MYT1L: variants seen among roughly 807,000 people sequenced by gnomAD.
MYT1L encodes the protein myelin transcription factor 1 like, also known as myelin transcription factor 1-like protein.
MYT1L carries 12 observed loss-of-function variants against 126.7 expected under a neutral mutation model. The observed-to-expected ratio is 0.09, with a 90% CI of 0.06 to 0.15. MYT1L has a LOEUF of 0.15. Ranked by LOEUF, MYT1L falls within the 10% of genes least tolerant of loss-of-function variation. MYT1L has a pLI of 1.00. For synonymous variants in MYT1L, 541 were observed against 604.2 expected, an observed-to-expected ratio of 0.90 and a Z score of 1.53; for missense variants, 979 against 1,585.2, an observed-to-expected ratio of 0.62 and a Z score of 6.49.
chr2:2,301,638 G>A (rs1013891906), intron 1 of MYT1L, among the ~76,000 whole-genome samples: 1 of 151,892 alleles, frequency 6.6e-6, no homozygotes, highest in African/African-American at 2.4e-5. Context: ...AGACCAGCCT[G>A]GGCATTATAG....
At chr2:2,158,729 CTT>C (rs1217297826) in intron 3 of MYT1L, among the ~76,000 whole-genome samples, 1 of 149,716 alleles carries the variant, frequency 6.7e-6, no homozygotes, top group Non-Finnish European at 1.5e-5. Context: ...CACACACACA[CTT>C]GAAATTGGAT....
Position 1,801,493 on chromosome 2 carries a change from G to A in MYT1L, c.3276+203C>T, listed in dbSNP as rs980834010. ...ACAAACACACATGCAGACTGAAAAC[G>A]AGAGAACCACGGCCCCTGCTACAGC... On this transcript the variant is annotated intron_variant, in intron 23 of 24. Coordinates refer to ENST00000647738, the MANE Select transcript of MYT1L (RefSeq NM_001303052.2). This position sits in a 1 kb window ranked among gnomAD's most constrained non-coding sequence, Gnocchi z 4.2. 6.3e-5 allele frequency: 31 copies of A among 491,250 alleles called. No individual in the cohort carries two copies. The highest frequency in any genetic ancestry group is 1.0e-4 in the Non-Finnish European group (29 of 279,828). The allele number at this position is 491,250 out of a possible 1,614,324, so 30.4% of individuals were successfully genotyped here. A position where few individuals can be genotyped will look rare whatever the true frequency, so the allele number is the denominator to read the frequency against.
intron 4 of MYT1L, among the ~76,000 whole-genome samples, chr2:2,019,349 A>G (rs2064789000): frequency 6.6e-6 from 1 of 152,174 alleles, no homozygotes; most frequent in Admixed American, 6.6e-5. Context: ...GCCTTCTGCC[A>G]TGATTGCGAG....
chr2:1,808,270 GCCAAC>G (rs1652014431), intron 22 of MYT1L, among the ~76,000 whole-genome samples: 1 of 152,158 alleles, frequency 6.6e-6, no homozygotes. Context: ...GAAACTCCCA[GCCAAC>G]AGTCACAACC....
intron 2 of MYT1L, among the ~76,000 whole-genome samples, chr2:2,255,189 G>A (rs1042254285): frequency 7.2e-5 from 11 of 152,016 alleles, no homozygotes; most frequent in African/African-American, 1.7e-4. Context: ...TTTCTCCACC[G>A]AACACCATTT....
chr2:2,095,922 G>A (rs765898342), intron 3 of MYT1L, among the ~76,000 whole-genome samples: 1 of 152,138 alleles, frequency 6.6e-6, no homozygotes, highest in Admixed American at 6.5e-5. Flanking sequence ...TTTGCTTTGC[G>A]AGTTGGGCCC....
At chr2:2,216,776 G>A (rs1377498564) in intron 2 of MYT1L, among the ~76,000 whole-genome samples, 1 of 149,914 alleles carries the variant, frequency 6.7e-6, no homozygotes, top group Non-Finnish European at 1.5e-5. Flanking sequence ...GGTCAGGCTG[G>A]TCAGGAGAGA....
chr2:2,037,021 C>A (rs2066932408), intron 4 of MYT1L, among the ~76,000 whole-genome samples: 1 of 152,186 alleles, frequency 6.6e-6, no homozygotes, highest in Non-Finnish European at 1.5e-5. Context: ...TCAGCAGTGT[C>A]CGAGGGTCCT....
chr2:1,879,904 G>A (rs1573156565), intron 18 of MYT1L, among the ~76,000 whole-genome samples: 1 of 152,128 alleles, frequency 6.6e-6, no homozygotes, highest in African/African-American at 2.4e-5. Flanking sequence ...TCTGATGTTT[G>A]TATTAAATGT....
At chr2:2,050,243 T>A (rs1352169838) in intron 4 of MYT1L, among the ~76,000 whole-genome samples, 1 of 152,186 alleles carries the variant, frequency 6.6e-6, no homozygotes, top group East Asian at 1.9e-4. Flanking sequence ...CCTGATGACA[T>A]TTGCTCACTG....
intron 5 of MYT1L, among the ~76,000 whole-genome samples, chr2:1,994,106 A>ATTTTTTCGG (rs2061643461): frequency 6.6e-6 from 1 of 152,162 alleles, no homozygotes; most frequent in Admixed American, 6.5e-5. Flanking sequence ...TTTCCCATGT[A>ATTTTTTCGG]TACATAAACG....
intron 3 of MYT1L, among the ~76,000 whole-genome samples, chr2:2,102,731 G>A (rs766291138): frequency 2.4e-4 from 37 of 151,792 alleles, no homozygotes; most frequent in Middle Eastern, 3.4e-3. Flanking sequence ...CTGGATGGGT[G>A]GAATCAATGG....
chr2:2,005,817 G>C (rs904830668), intron 4 of MYT1L, among the ~76,000 whole-genome samples: 3 of 136,562 alleles, frequency 2.2e-5, no homozygotes, highest in Admixed American at 7.8e-5. Flanking sequence ...TCCTGCATGC[G>C]TTCTTTCCTG....
chr2:2,096,869 C>T (rs1288845547), intron 3 of MYT1L, among the ~76,000 whole-genome samples: 2 of 152,154 alleles, frequency 1.3e-5, no homozygotes, highest in African/African-American at 4.8e-5. Context: ...CCTTTTAGAG[C>T]CATTTGCCCC....
chr2:2,189,604 G>A lies in MYT1L; in HGVS notation c.-420-16616C>T, dbSNP rs574414993. On this transcript the variant is annotated intron_variant, in intron 2 of 24. Transcript: ENST00000647738. ...TAAAAATATTTTTAATAACTAAAAA[G>A]CAAATAATGTTTTAAAATATCTTAG... Among the ~76,000 whole-genome samples, 8 of 152,132 alleles carry A rather than the reference G, an allele frequency of 5.3e-5. No homozygotes were observed. In the South Asian group the frequency reaches 1.7e-3, roughly 32 times the overall value.
chr2:1,962,879 G>A (rs925278615), intron 8 of MYT1L, among the ~76,000 whole-genome samples: 8 of 152,086 alleles, frequency 5.3e-5, no homozygotes, highest in African/African-American at 1.2e-4. Context: ...CCTCAAAGTC[G>A]TCCATGAGGG....
chr2:1,935,084 T>A (rs867694344), intron 9 of MYT1L, among the ~76,000 whole-genome samples: 2 of 152,234 alleles, frequency 1.3e-5, no homozygotes, highest in South Asian at 2.1e-4. Context: ...ACCACTTTCT[T>A]AGCAATCTGA....
chr2:2,219,743 C>A (rs572599089), intron 2 of MYT1L, among the ~76,000 whole-genome samples: 1 of 152,318 alleles, frequency 6.6e-6, no homozygotes, highest in East Asian at 1.9e-4. Context: ...AGGTCCTGTT[C>A]CAGCCAATGG....
In MYT1L at chr2:2,242,045, AGAAAAG is replaced by A. The variant is rs1475508841; in HGVS notation, c.-421+42353_-421+42358del. The stretch of plus-strand genomic sequence containing the variant: ...TGAAGGAAAAAAGAGGAAAAGGAAG[AGAAAAG>A]GAGAAGGAGGAGGAAGGCAGGCAGG... On this transcript the variant is annotated intron_variant, in intron 2 of 24. Coordinates refer to ENST00000647738, the MANE Select transcript of MYT1L (RefSeq NM_001303052.2). Among the ~76,000 whole-genome samples the A allele has an allele frequency of 5.3e-5, 8 of 152,266 alleles. No homozygotes were observed. In the East Asian group the frequency reaches 1.5e-3, roughly 29 times the overall value.
Sources: allele counts gnomAD v4.1 joint callset (sites outside exome capture counted in the v4.1 genomes callset), GRCh38; gene constraint gnomAD v4.1.1; non-coding constraint Gnocchi (gnomAD v3.1); transcripts MANE v1.5; gene names NCBI Gene and HGNC (gene_info 2026-07-23, HGNC 2026-07-21).